Variants in UNC5D observed in about 807,000 individuals in gnomAD.
UNC5D encodes the protein unc-5 netrin receptor D, also known as netrin receptor UNC5D.
Under a neutral mutation model 105.4 loss-of-function variants are expected in UNC5D, and 39 were observed. That is an observed-to-expected ratio of 0.37 (90% confidence interval 0.29 to 0.48). The LOEUF (loss-of-function observed/expected upper bound fraction) is 0.48, where lower values mean the gene tolerates loss of function less well. UNC5D is among the 20% of genes least tolerant of loss of function. UNC5D has a pLI of 0.98. For synonymous variants in UNC5D, 452 were observed against 450.4 expected, an observed-to-expected ratio of 1.00 and a Z score of -0.04; for missense variants, 991 against 1,202.4, an observed-to-expected ratio of 0.82 and a Z score of 2.60.
At chr8:35,476,423 T>G (rs556678579) in intron 1 of UNC5D, among the ~76,000 whole-genome samples, 3 of 152,228 alleles carry the variant, frequency 2.0e-5, no homozygotes, top group Non-Finnish European at 4.4e-5. Context: ...GACTCTAATA[T>G]TTGATGAATC....
intron 2 of UNC5D, among the ~76,000 whole-genome samples, chr8:35,553,256 T>C (rs1816297714): frequency 6.6e-6 from 1 of 152,134 alleles, no homozygotes; most frequent in Non-Finnish European, 1.5e-5. Flanking sequence ...TTCCCCCTTT[T>C]AATTCCCCTA....
At chr8:35,282,736 A>G (rs1806283827) in intron 1 of UNC5D, among the ~76,000 whole-genome samples, 1 of 151,416 alleles carries the variant, frequency 6.6e-6, no homozygotes, top group Non-Finnish European at 1.5e-5. Context: ...AACCCAAAGC[A>G]GCATATCCTT....
At chr8:35,407,066 C>T (rs371379398) in intron 1 of UNC5D, among the ~76,000 whole-genome samples, 38 of 152,226 alleles carry the variant, frequency 2.5e-4, no homozygotes, top group African/African-American at 8.7e-4. Context: ...TGTATTTTTA[C>T]TGTACCTTTT....
intron 16 of UNC5D, among the ~76,000 whole-genome samples, chr8:35,789,137 CTATATATATATATATATATATA>C (rs58201859): frequency 0.016 from 525 of 32,466 alleles, 32 homozygotes; most frequent in Middle Eastern, 0.12. Context: ...GGAGAAAAGA[CTATATATATATATATATATATA>C]TATATATATA....
chr8:35,785,186 C>A (rs868635963), intron 16 of UNC5D, among the ~76,000 whole-genome samples: 21 of 152,096 alleles, frequency 1.4e-4, no homozygotes, highest in African/African-American at 4.6e-4. Context: ...CCCAAATGCA[C>A]CAGCATTATG....
chr8:35,383,877 G>A (rs570215647), intron 1 of UNC5D, among the ~76,000 whole-genome samples: 1 of 152,150 alleles, frequency 6.6e-6, no homozygotes, highest in East Asian at 1.9e-4. Context: ...CCCGGAATTT[G>A]GGACCAGCCT....
chr8:35,764,729 G>A (rs941426065), intron 14 of UNC5D, among the ~76,000 whole-genome samples: 1 of 152,170 alleles, frequency 6.6e-6, no homozygotes, highest in South Asian at 2.1e-4. Flanking sequence ...TCAGCTGATG[G>A]TACAAGCAAG....
intron 7 of UNC5D, among the ~76,000 whole-genome samples, chr8:35,701,196 A>G (rs1586474917): frequency 1.3e-5 from 2 of 152,196 alleles, no homozygotes; most frequent in African/African-American, 4.8e-5. Flanking sequence ...TTTAGTCTAC[A>G]TTTAAGCAAC....
intron 4 of UNC5D, among the ~76,000 whole-genome samples, chr8:35,627,250 C>CA (rs1821745598): frequency 6.6e-6 from 1 of 152,122 alleles, no homozygotes; most frequent in Admixed American, 6.6e-5. Context: ...GAGTAAAATC[C>CA]AATGACCTTT....
intron 1 of UNC5D, among the ~76,000 whole-genome samples, chr8:35,333,312 C>G (rs897704957): frequency 6.6e-6 from 1 of 151,968 alleles, no homozygotes; most frequent in Non-Finnish European, 1.5e-5. Flanking sequence ...CAGAGTGAGA[C>G]CCTGTCTCTG....
chr8:35,597,669 A>G (rs537569194), intron 4 of UNC5D, among the ~76,000 whole-genome samples: 1 of 152,286 alleles, frequency 6.6e-6, no homozygotes, highest in African/African-American at 2.4e-5. Context: ...ATCAGCCTGT[A>G]GGAACTTCGC....
chr8:35,479,339 A>G (rs1053570464), intron 1 of UNC5D, among the ~76,000 whole-genome samples: 1 of 152,158 alleles, frequency 6.6e-6, no homozygotes, highest in African/African-American at 2.4e-5. Flanking sequence ...GTGAGACAAA[A>G]GTGTCAATCC....
At chr8:35,313,942 T>C (rs1309365187) in intron 1 of UNC5D, among the ~76,000 whole-genome samples, 1 of 152,208 alleles carries the variant, frequency 6.6e-6, no homozygotes, top group African/African-American at 2.4e-5. Flanking sequence ...TGAAGTTAAG[T>C]GCTGTTAAAT....
chr8:35,492,624 C>T (rs1811285229), intron 1 of UNC5D, among the ~76,000 whole-genome samples: 1 of 151,906 alleles, frequency 6.6e-6, no homozygotes, highest in African/African-American at 2.4e-5. Context: ...TAAATATAAG[C>T]ACAGGAGCCA....
intron 1 of UNC5D, among the ~76,000 whole-genome samples, chr8:35,511,127 T>C (rs995533039): frequency 2.6e-5 from 4 of 152,180 alleles, no homozygotes; most frequent in Admixed American, 2.6e-4. Flanking sequence ...TTAAGATCTA[T>C]GTAAGAGCAG....
intron 8 of UNC5D, among the ~76,000 whole-genome samples, chr8:35,711,001 T>C (rs1204815247): frequency 7.0e-5 from 9 of 129,434 alleles, no homozygotes; most frequent in African/African-American, 2.6e-4. Flanking sequence ...TGCAGTGGCC[T>C]GATCTCGGCT....
intron 1 of UNC5D, among the ~76,000 whole-genome samples, chr8:35,351,669 T>C (rs1055574077): frequency 6.6e-6 from 1 of 152,022 alleles, no homozygotes; most frequent in Non-Finnish European, 1.5e-5. Flanking sequence ...AAAAAAGAAA[T>C]TTTCTAATTT....
intron 1 of UNC5D, among the ~76,000 whole-genome samples, chr8:35,528,277 A>T (rs924096629): frequency 1.3e-5 from 2 of 150,132 alleles, no homozygotes; most frequent in African/African-American, 4.9e-5. Context: ...ATTCTCACCT[A>T]TGAGTGAGAA....
intron 1 of UNC5D, among the ~76,000 whole-genome samples, chr8:35,360,038 C>CT (rs974411399): frequency 1.3e-5 from 2 of 151,930 alleles, no homozygotes; most frequent in Non-Finnish European, 2.9e-5. Flanking sequence ...TTCAGAGTTT[C>CT]TTTTTTTTCT....
Sources: allele counts gnomAD v4.1 joint callset (sites outside exome capture counted in the v4.1 genomes callset), GRCh38; gene constraint gnomAD v4.1.1; transcripts MANE v1.5; gene names NCBI Gene and HGNC (gene_info 2026-07-23, HGNC 2026-07-21).